The following LMNTD2 variants were observed in gnomAD, a reference collection of about 807,000 sequenced individuals.
The protein encoded by LMNTD2 is lamin tail domain-containing protein 2.
A neutral mutation model predicts 70.1 loss-of-function variants in LMNTD2; 83 were observed. The ratio of observed to expected loss-of-function variants is 1.18; its 90% confidence interval spans 0.99 to 1.42. The LOEUF (loss-of-function observed/expected upper bound fraction) is 1.42. Ranked by LOEUF, LMNTD2 falls within the 40% of genes most tolerant of loss-of-function variation. LMNTD2 has a pLI of 0.00. For missense variants in LMNTD2, 1,153 were observed against 905.9 expected (o/e 1.27, Z -3.50); for synonymous variants, 534 against 406.1 (o/e 1.31, Z -3.79).
At position 557,986 on chromosome 11, in the gene LMNTD2, C is replaced by T. The variant is rs1040217202; in HGVS notation, c.453G>A (p.Glu151=). The T allele has an allele frequency of 6.2e-7, 1 of 1,600,536 alleles. No individual in the cohort carries two copies. The highest frequency in any genetic ancestry group is 8.5e-7 in the Non-Finnish European group (1 of 1,172,266). Residue 151 remains glutamate, a synonymous_variant, in exon 5 of 14, where the codon GAG becomes GAA. Coordinates refer to ENST00000329451, the MANE Select transcript of LMNTD2 (RefSeq NM_173573.3). The part of the protein sequence containing the change: ...RLLQTTRTLQ[E]MEAELQNLQK... ...GCAAGTTCTGCAGCTCGGCCTCCAT[C>T]TCCTGGAGCGTGCGGGTGGTCTGCA...
Position 556,528 on chromosome 11 carries a change from G to A in LMNTD2, c.1037C>T (p.Thr346Ile), listed in dbSNP as rs375366328. The change falls in exon 9 of 14, where the codon ACA becomes ATA. Residue 346 changes from threonine to isoleucine, a missense_variant. Thr to Ile is a moderately conservative substitution (Grantham distance 89). Transcript: ENST00000329451. Reference sequence around the variant, plus strand: ...TTCCGGGCTCCAGTGGTCCGGGTCTGTGCAGGGCTGGGGCGACAGGACCGG... The same window carrying A: ...TTCCGGGCTCCAGTGGTCCGGGTCTATGCAGGGCTGGGGCGACAGGACCGG... The part of the protein sequence containing the change: ...GEPVLSPQPC[T>I]DPDHWSPELL... 1.3e-5 allele frequency: 21 copies of A among 1,560,596 alleles called. No homozygotes were observed. In the African/African-American group the frequency reaches 2.9e-4, roughly 21 times the overall value.
At chr11:556,682 G>T in intron 8 of LMNTD2, 94 bp from the exon 9 acceptor site, 1 of 1,408,330 alleles carries the variant, frequency 7.1e-7, no homozygotes, top group Non-Finnish European at 9.4e-7. Flanking sequence ...AACGCCTGGC[G>T]GGGCAGGGAG....
In LMNTD2 at chr11:555,011, G is replaced by A. The variant is rs757896093; in HGVS notation, c.1874C>T (p.Pro625Leu). Residue 625 changes from proline (P) to leucine (L), a missense_variant, in exon 14 of 14, where the codon CCG becomes CTG. By Grantham distance (98) the Pro-to-Leu change is moderately conservative. Transcript: ENST00000329451. ...GCCGCGGCAGGTGTCCGCGGTGACC[G>A]GCAGGCAGCTGAGGAAGCGGAAGCC... ...RFGFRFLSCL[P>L]VTADTCRGA The A allele has an allele frequency of 5.7e-6, 9 of 1,591,426 alleles. No individual in the cohort carries two copies. The highest frequency in any genetic ancestry group is 7.7e-6 in the Non-Finnish European group (9 of 1,172,528).
chr11:555,285 A>C lies in LMNTD2; in HGVS notation c.1773+20T>G, dbSNP rs373015093. 1.1e-4 allele frequency: 150 copies of C among 1,373,808 alleles called. No individual in the cohort carries two copies. The African/African-American group carries it at 1.7e-3, about 16-fold the overall frequency. The allele number at this position is 1,373,808 out of a possible 1,614,324, so 85.1% of individuals were successfully genotyped here. ...AACGAGGAGGGAGAGGAGGGGGCGCACCCGCAAGCGCGCACTCACCCGAAC... is the reference window on the plus strand; with the variant it reads ...AACGAGGAGGGAGAGGAGGGGGCGCCCCCGCAAGCGCGCACTCACCCGAAC... On this transcript the variant is annotated intron_variant, in intron 13 of 13. Transcript: ENST00000329451.
chr11:555,263 G>T, intron 13 of LMNTD2, 42 bp downstream of exon 13: 2 of 1,332,054 alleles, frequency 1.5e-6, no homozygotes, highest in South Asian at 1.8e-5. Flanking sequence ...GGAGGAGAAC[G>T]AGGAGGGAGA....
rs776944817 is a variant in LMNTD2 at position 557,032 on chromosome 11, C to T, written c.779G>A (p.Arg260Gln). 22 of 1,609,488 alleles carry T rather than the reference C, an allele frequency of 1.4e-5. No homozygotes were observed. The highest frequency in any genetic ancestry group is 8.9e-5 in the East Asian group (4 of 44,834). ...GCCCCACTCCACGGTCTTGTGATGC[C>T]GCTCGGAATGCTTTCCAGAGGACTC... ...SPESSGKHSE[R>Q]HHKTVEWGSL... Residue 260 changes from arginine to glutamine, a missense_variant, in exon 8 of 14, where the codon CGG becomes CAG. By Grantham distance (43) the Arg-to-Gln change is conservative. Coordinates refer to ENST00000329451, the MANE Select transcript of LMNTD2 (RefSeq NM_173573.3).
chr11:555,971 C>T (rs1179303152), intron 11 of LMNTD2, 25 bp downstream of exon 11: 1 of 1,552,816 alleles, frequency 6.4e-7, no homozygotes, highest in South Asian at 1.2e-5. Context: ...CAGCCCCGGC[C>T]GCCCCACCGG....
rs796329158 is a variant in LMNTD2, at chr11:559,763, ATAAT to A, written c.35-788_35-785del. The A allele has an allele frequency of 1.1e-5, 12 of 1,049,260 alleles. No homozygotes were observed. In the South Asian group the frequency reaches 1.2e-4, roughly 11 times the overall value. 65.0% of individuals were successfully genotyped at this position (1,049,260 alleles called of 1,614,324 possible). ...CTGCCCACAGCCTGTTTTTAAATTAATAATTAATTCTTTAGAGACAGGGTCTTGC... is the reference window on the plus strand; with the variant it reads ...CTGCCCACAGCCTGTTTTTAAATTAATAATTCTTTAGAGACAGGGTCTTGC... On this transcript the variant is annotated intron_variant, in intron 1 of 13. Coordinates refer to ENST00000329451, the MANE Select transcript of LMNTD2 (RefSeq NM_173573.3).
At position 558,685 on chromosome 11, in the gene LMNTD2, C is replaced by T. The variant is rs1853066056; in HGVS notation, c.240G>A (p.Trp80Ter). The change falls in exon 3 of 14, where the codon TGG becomes TGA. Residue 80 changes from tryptophan (W) to a stop codon, truncating the protein, a stop_gained. Transcript: ENST00000329451. LOFTEE classifies it high-confidence loss of function. ...QRELEIQALR[W>*]AIQNGEDARL... ...GGGCGTCCTCGCCATTCTGGATGGCCCACCGCAAGGCCTGGATCTCCAGTT... is the reference window on the plus strand; with the variant it reads ...GGGCGTCCTCGCCATTCTGGATGGCTCACCGCAAGGCCTGGATCTCCAGTT... 1.2e-6 allele frequency: 2 copies of T among 1,605,034 alleles called. No individual in the cohort carries two copies. The highest frequency in any genetic ancestry group is 1.7e-6 in the Non-Finnish European group (2 of 1,176,990).
At chr11:556,611 G>A in intron 8 of LMNTD2, 23 bp from the exon 9 acceptor site, 1 of 1,490,552 alleles carries the variant, frequency 6.7e-7, no homozygotes, top group Non-Finnish European at 8.9e-7. Flanking sequence ...GCGCTTTTGG[G>A]GAGGGGACCC....
Position 558,940 on chromosome 11 carries a change from CCTG to C in LMNTD2, c.71_73del (p.Ala24del), listed in dbSNP as rs765067799. The C allele has an allele frequency of 3.7e-6, 6 of 1,606,028 alleles. No homozygotes were observed. The South Asian group carries it at 6.6e-5, about 18-fold the overall frequency. On this transcript the variant is annotated inframe_deletion, in exon 2 of 14. Coordinates refer to ENST00000329451, the MANE Select transcript of LMNTD2 (RefSeq NM_173573.3). ...GGGAGTCTCGGGGGCTGCAGGTGCG[CCTG>C]CTGGAGGTCCCAGGTGACCACTGAC...
At chr11:558,492 C>T (rs1301525928) in intron 3 of LMNTD2, 122 bp downstream of exon 3, 2 of 1,289,612 alleles carry the variant, frequency 1.6e-6, no homozygotes, top group African/African-American at 3.0e-5. Context: ...GGTGGAGGGT[C>T]AGCGCGGGCA....
chr11:557,317 G>A, intron 7 of LMNTD2, 82 bp downstream of exon 7: 1 of 1,449,728 alleles, frequency 6.9e-7, no homozygotes, highest in Non-Finnish European at 9.5e-7. Flanking sequence ...ACACTAAATG[G>A]TCCTTTAGTG....
chr11:556,592 G>C lies in LMNTD2; in HGVS notation c.977-4C>G, dbSNP rs763720475. The C allele has an allele frequency of 1.6e-5, 24 of 1,524,646 alleles. No individual in the cohort carries two copies. The Admixed American group carries it at 2.2e-4, about 14-fold the overall frequency. The allele number at this position is 1,524,646 out of a possible 1,614,324, so 94.4% of individuals were successfully genotyped here. ...GGTGAGTGGGTTTTCTGGAGATCTAGAGAGAGCAGCGCTTTTGGGGAGGGG... is the reference window on the plus strand; with the variant it reads ...GGTGAGTGGGTTTTCTGGAGATCTACAGAGAGCAGCGCTTTTGGGGAGGGG... On this transcript the variant is annotated splice_polypyrimidine_tract_variant and splice_region_variant and intron_variant, in intron 8 of 13. Transcript: ENST00000329451.
chr11:555,890 G>A lies in LMNTD2; in HGVS notation c.1418C>T (p.Ala473Val), dbSNP rs765987111. The change falls in exon 12 of 14, where the codon GCC becomes GTC. Residue 473 changes from alanine to valine, a missense_variant. Coordinates refer to ENST00000329451, the MANE Select transcript of LMNTD2 (RefSeq NM_173573.3). ...EHRIPRRETP[A>V]PRVFADGTDL... is the part of the protein sequence containing the mutation. ...GGTGCCGTCGGCGAAGACCCTCGGG[G>A]CCGGAGTCTCGCGGCGTGGGATCCG... The A allele has an allele frequency of 4.5e-6, 7 of 1,566,718 alleles. No homozygotes were observed. The highest frequency in any genetic ancestry group is 2.3e-5 in the South Asian group (2 of 86,678).
At chr11:556,778 C>T in intron 8 of LMNTD2, 57 bp downstream of exon 8, 2 of 1,489,298 alleles carry the variant, frequency 1.3e-6, no homozygotes, top group South Asian at 2.7e-5. Flanking sequence ...GAGATCACAG[C>T]TCTGAGGGGG....
rs1852891581 is a variant in LMNTD2 at position 556,580 on chromosome 11, T to C, written c.985A>G (p.Lys329Glu). Residue 329 changes from lysine (K) to glutamate (E), a missense_variant, in exon 9 of 14, where the codon AAA becomes GAA. Lys to Glu is a moderately conservative substitution (Grantham distance 56). Coordinates refer to ENST00000329451, the MANE Select transcript of LMNTD2 (RefSeq NM_173573.3). Reference sequence around the variant, plus strand: ...TCGCCGTGCCTGGGTGAGTGGGTTTTCTGGAGATCTAGAGAGAGCAGCGCT... The same window carrying C: ...TCGCCGTGCCTGGGTGAGTGGGTTTCCTGGAGATCTAGAGAGAGCAGCGCT... Reference protein sequence around the residue: ...SYSRDSEDLQKTHSPRHGEPV... With the variant: ...SYSRDSEDLQETHSPRHGEPV... 6.5e-7 allele frequency: 1 copy of C among 1,542,766 alleles called. No homozygotes were observed. Among genetic ancestry groups the C allele is most frequent in the Non-Finnish European group, 8.7e-7 (1 of 1,146,466 alleles).
intron 12 of LMNTD2, 79 bp downstream of exon 12, chr11:555,655 C>G: frequency 6.9e-6 from 9 of 1,306,366 alleles, no homozygotes; most frequent in Non-Finnish European, 7.9e-6. Flanking sequence ...TCCGTCCTAG[C>G]GAGGGGATAC....
At position 557,033 on chromosome 11, in the gene LMNTD2, G is replaced by A. The variant is rs147157097; in HGVS notation, c.778C>T (p.Arg260Trp). Residue 260 changes from arginine to tryptophan, a missense_variant, in exon 8 of 14, where the codon CGG becomes TGG. Arg to Trp is a moderately radical substitution (Grantham distance 101). Coordinates refer to ENST00000329451, the MANE Select transcript of LMNTD2 (RefSeq NM_173573.3). ...CCCCACTCCACGGTCTTGTGATGCCGCTCGGAATGCTTTCCAGAGGACTCT... is the reference window on the plus strand; with the variant it reads ...CCCCACTCCACGGTCTTGTGATGCCACTCGGAATGCTTTCCAGAGGACTCT... Reference protein sequence around the residue: ...SPESSGKHSERHHKTVEWGSL... With the variant: ...SPESSGKHSEWHHKTVEWGSL... The A allele has an allele frequency of 1.4e-3, 2,183 of 1,609,182 alleles. 2 individuals are homozygous for A. The highest frequency in any genetic ancestry group is 1.8e-3 in the Non-Finnish European group (2,091 of 1,178,838).
Sources: allele counts gnomAD v4.1 joint callset, GRCh38; gene constraint gnomAD v4.1.1; transcripts MANE v1.5; gene names NCBI Gene and HGNC (gene_info 2026-07-23, HGNC 2026-07-21).